Variants in ATM observed in about 807,000 individuals in gnomAD.
ATM encodes the protein ATM serine/threonine kinase.
In ATM, 308 loss-of-function variants were observed where a neutral mutation model predicts 387.0. That is an observed-to-expected ratio of 0.80 (90% confidence interval 0.73 to 0.87). ATM has a LOEUF of 0.87. Ranked by LOEUF, ATM falls within the 40% of genes least tolerant of loss-of-function variation. ATM has a pLI of 0.00. For missense variants in ATM, 3,312 were observed against 3,560.9 expected (o/e 0.93, Z 1.78); for synonymous variants, 1,156 against 1,187.3 (o/e 0.97, Z 0.54).
intron 18 of ATM, among the ~76,000 whole-genome samples, chr11:108,270,133 G>A (rs1428570367): frequency 6.6e-6 from 1 of 151,998 alleles, no homozygotes; most frequent in Non-Finnish European, 1.5e-5. Flanking sequence ...GGTAGTTCTC[G>A]GAAACTGGCT....
At chr11:108,323,604 A>G (rs181468992) in intron 45 of ATM, among the ~76,000 whole-genome samples, 28 of 152,332 alleles carry the variant, frequency 1.8e-4, no homozygotes, top group African/African-American at 6.0e-4. Flanking sequence ...GGATATCTCA[A>G]TTACCCAAAT....
At chr11:108,228,678 A>T (rs1423008720) in intron 3 of ATM, among the ~76,000 whole-genome samples, 1 of 152,212 alleles carries the variant, frequency 6.6e-6, no homozygotes, top group Non-Finnish European at 1.5e-5. Context: ...TTTCTAGTTT[A>T]TTTTAAATAC....
intron 45 of ATM, among the ~76,000 whole-genome samples, chr11:108,323,490 C>T (rs1321471285): frequency 2.0e-5 from 3 of 151,940 alleles, no homozygotes; most frequent in African/African-American, 7.3e-5. Flanking sequence ...TTTGATAGCA[C>T]AATAGGGCAA....
intron 35 of ATM, among the ~76,000 whole-genome samples, chr11:108,302,195 A>G (rs1223774892): frequency 6.6e-6 from 1 of 152,178 alleles, no homozygotes; most frequent in African/African-American, 2.4e-5. Context: ...AGGAAGACCC[A>G]TAGATTTCTC....
intron 20 of ATM, 116 bp from the exon 21 acceptor site, chr11:108,272,416 A>G (rs1188257605): frequency 2.0e-5 from 18 of 888,806 alleles, no homozygotes; most frequent in Non-Finnish European, 3.1e-5. Flanking sequence ...CATAATGACA[A>G]ATAAGTTTAG....
intron 32 of ATM, 157 bp downstream of exon 32, chr11:108,295,216 A>C: frequency 1.1e-6 from 1 of 938,570 alleles, no homozygotes; most frequent in Non-Finnish European, 1.7e-6. Flanking sequence ...AACTGGTCCT[A>C]ACTGGTCTTC....
chr11:108,329,399 G>A (rs1007555447), intron 49 of ATM, 161 bp downstream of exon 49: 14 of 726,990 alleles, frequency 1.9e-5, no homozygotes, highest in Middle Eastern at 4.0e-4. Context: ...GGTTCTTTTC[G>A]GTTTTTGTTT....
At chr11:108,321,764 G>A (rs1254575091) in intron 45 of ATM, among the ~76,000 whole-genome samples, 1 of 151,404 alleles carries the variant, frequency 6.6e-6, no homozygotes, top group Admixed American at 6.6e-5. Flanking sequence ...TCCAGCCTGG[G>A]CAACAGAGCG....
At chr11:108,259,511 A>C (rs1394778934) in intron 16 of ATM, among the ~76,000 whole-genome samples, 1 of 152,156 alleles carries the variant, frequency 6.6e-6, no homozygotes, top group Non-Finnish European at 1.5e-5. Context: ...TAAAAAATTA[A>C]ATAAAATGTG....
intron 32 of ATM, chr11:108,297,033 G>T (rs2083159484): frequency 2.3e-6 from 1 of 437,016 alleles, no homozygotes; most frequent in African/African-American, 2.0e-5. Context: ...CTAAGGTGTT[G>T]ACTTATCTGC....
chr11:108,346,038 C>T, intron 58 of ATM, 130 bp downstream of exon 58: 6 of 967,728 alleles, frequency 6.2e-6, no homozygotes, highest in East Asian at 2.5e-5. Flanking sequence ...TAGTAACCAA[C>T]CCATCTTCAT....
rs786203522 is a variant in ATM at position 108,321,352 on chromosome 11, G to A, written c.6504G>A (p.Ser2168=). ...MCKRSLESVY[S]LYPTLSRLQA... ...AGCGCAGCCTTGAGTCTGTGTATTC[G>A]CTCTATCCCACACTTAGCAGGTTGC... Residue 2168 remains serine (S), a synonymous_variant, in exon 45 of 63, where the codon TCG becomes TCA. Transcript: ENST00000675843. The A allele has an allele frequency of 2.5e-6, 4 of 1,613,988 alleles. No homozygotes were observed. Among genetic ancestry groups the A allele is most frequent in the East Asian group, 4.5e-5 (2 of 44,892 alleles).
intron 29 of ATM, chr11:108,290,560 G>A (rs1331303077): frequency 1.3e-5 from 2 of 151,912 alleles, no homozygotes; most frequent in Non-Finnish European, 2.9e-5. Context: ...GCGCTCAGGA[G>A]GCAGAGGTTA....
At chr11:108,296,385 G>A (rs2083121779) in intron 32 of ATM, among the ~76,000 whole-genome samples, 1 of 151,938 alleles carries the variant, frequency 6.6e-6, no homozygotes, top group African/African-American at 2.4e-5. Flanking sequence ...CAAGGAGCAG[G>A]GATTACAGGT....
intron 61 of ATM, among the ~76,000 whole-genome samples, chr11:108,358,860 A>T (rs2090362741): frequency 1.3e-5 from 2 of 151,768 alleles, no homozygotes; most frequent in African/African-American, 4.8e-5. Flanking sequence ...TGTAAAGACC[A>T]TCGAGACTAG....
intron 53 of ATM, 99 bp from the exon 54 acceptor site, chr11:108,333,787 G>C (rs2086530255): frequency 1.0e-6 from 1 of 952,880 alleles, no homozygotes; most frequent in Non-Finnish European, 1.7e-6. Context: ...CCACAGATTA[G>C]CAACAAGTTG....
At chr11:108,278,446 A>G (rs1361848294) in intron 22 of ATM, among the ~76,000 whole-genome samples, 3 of 152,240 alleles carry the variant, frequency 2.0e-5, no homozygotes, top group Non-Finnish European at 4.4e-5. Context: ...GTATAAATTC[A>G]AGAATAACAT....
rs750490644 is a variant in ATM, at chr11:108,279,459, TTTTG to T, written c.3285-19_3285-16del. On this transcript the variant is annotated intron_variant, in intron 22 of 62. Coordinates refer to ENST00000675843, the MANE Select transcript of ATM (RefSeq NM_000051.4). ...TTTGAAATTAGAAAATTATTTCACT[TTTTG>T]TTTGTTTGTTTGCTTGCTTGTTTTA... 32 of 1,468,616 alleles carry T rather than the reference TTTTG, an allele frequency of 2.2e-5. No individual in the cohort carries two copies. The East Asian group carries it at 2.8e-4, about 13-fold the overall frequency. The allele number at this position is 1,468,616 out of a possible 1,614,324, so 91.0% of individuals were successfully genotyped here.
At chr11:108,315,539 A>G (rs1384033240) in intron 40 of ATM, among the ~76,000 whole-genome samples, 3 of 152,284 alleles carry the variant, frequency 2.0e-5, no homozygotes, top group African/African-American at 7.2e-5. Context: ...CAGTAGTTCT[A>G]AACTGTGTGG....
Sources: gnomAD v4.1 joint callset for allele counts (sites outside exome capture counted in the v4.1 genomes callset) on GRCh38, gnomAD v4.1.1 for gene constraint, MANE v1.5 for transcripts, NCBI Gene and HGNC (gene_info 2026-07-23, HGNC 2026-07-21) for gene names.